Variants in CHODL observed in about 807,000 individuals in gnomAD.
CHODL encodes the protein transmembrane protein MT75.
A neutral mutation model predicts 34.5 loss-of-function variants in CHODL; 29 were observed. The ratio of observed to expected loss-of-function variants is 0.84; its 90% confidence interval spans 0.63 to 1.15. The LOEUF (loss-of-function observed/expected upper bound fraction) is 1.15. Among genes scored for constraint, CHODL ranks in the 50% most tolerant of loss-of-function variants. The pLI, the probability that CHODL is intolerant of heterozygous loss-of-function variation, is 0.00. For missense variants in CHODL, 332 were observed against 332.5 expected, an observed-to-expected ratio of 1.00 and a Z score of 0.01; for synonymous variants, 125 against 116.1, an observed-to-expected ratio of 1.08 and a Z score of -0.49.
At chr21:18,259,157 G>A (rs2074350698) in intron 3 of CHODL, among the ~76,000 whole-genome samples, 1 of 152,102 alleles carries the variant, frequency 6.6e-6, no homozygotes, top group African/African-American at 2.4e-5. Context: ...TCTCTATCCT[G>A]AAGACTATAT....
intron 2 of CHODL, among the ~76,000 whole-genome samples, chr21:18,216,617 T>C (rs1325195695): frequency 6.6e-6 from 1 of 152,182 alleles, no homozygotes; most frequent in African/African-American, 2.4e-5. Context: ...AGCGTATTAG[T>C]CAGTTTTCGC....
At chr21:18,125,450 A>G (rs1265928610) in intron 2 of CHODL, among the ~76,000 whole-genome samples, 1 of 152,042 alleles carries the variant, frequency 6.6e-6, no homozygotes, top group Non-Finnish European at 1.5e-5. Context: ...AAATCATACA[A>G]CAACTAGAAG....
At chr21:18,090,595 G>C (rs754164452) in intron 2 of CHODL, among the ~76,000 whole-genome samples, 2 of 151,320 alleles carry the variant, frequency 1.3e-5, no homozygotes, top group Non-Finnish European at 2.9e-5. Flanking sequence ...ATTCAGAAAA[G>C]AATCTAAACT....
At chr21:18,255,373 TAAAC>T (rs1484324038) in intron 1 of CHODL, among the ~76,000 whole-genome samples, 1 of 152,102 alleles carries the variant, frequency 6.6e-6, no homozygotes, top group Non-Finnish European at 1.5e-5. Flanking sequence ...TTCAAACTCA[TAAAC>T]GAATGAATGG....
rs554914230 is a variant in CHODL at position 17,977,150 on chromosome 21, T to C, written c.-144-50722T>C. 3.9e-5 allele frequency among the ~76,000 whole-genome samples: 6 copies of C among 152,234 alleles called. No individual in the cohort carries two copies. The South Asian group carries it at 1.2e-3, about 32-fold the overall frequency. ...GATTCATAACAATCTTGTCAGAAAG[T>C]TAATATTCTTCCCATTTATAGATGA... On this transcript the variant is annotated intron_variant, in intron 1 of 6. Transcript: ENST00000400127.
At chr21:17,968,201 A>G (rs906806528) in intron 1 of CHODL, among the ~76,000 whole-genome samples, 1 of 152,176 alleles carries the variant, frequency 6.6e-6, no homozygotes. Flanking sequence ...CTCCATAGTC[A>G]TGCCAACTAT....
intron 2 of CHODL, among the ~76,000 whole-genome samples, chr21:18,229,192 G>A (rs933915225): frequency 6.6e-6 from 1 of 152,164 alleles, no homozygotes; most frequent in African/African-American, 2.4e-5. Context: ...GAAATCAGGT[G>A]AAATATGACT....
In CHODL at chr21:18,148,112, G is replaced by A. The variant is rs2072918933; in HGVS notation, c.-44-108397G>A. ...CATCTATTATCACAGGATGATAATA[G>A]CAATGATTTGTGTGAACTTCAAGTA... On this transcript the variant is annotated intron_variant, in intron 2 of 6. Transcript: ENST00000400127. Among the ~76,000 whole-genome samples, 7 of 152,268 alleles carry A rather than the reference G, an allele frequency of 4.6e-5. No individual in the cohort carries two copies. In the South Asian group the frequency reaches 1.5e-3, roughly 32 times the overall value.
At chr21:18,109,267 C>G (rs1455844040) in intron 2 of CHODL, among the ~76,000 whole-genome samples, 1 of 152,126 alleles carries the variant, frequency 6.6e-6, no homozygotes, top group African/African-American at 2.4e-5. Context: ...TAGAGCATCC[C>G]TTCATCTCGC....
At chr21:18,083,314 G>A (rs2064964647) in intron 2 of CHODL, among the ~76,000 whole-genome samples, 1 of 152,248 alleles carries the variant, frequency 6.6e-6, no homozygotes, top group African/African-American at 2.4e-5. Flanking sequence ...GGAAAAGCCT[G>A]TATGTCCAGG....
intron 2 of CHODL, among the ~76,000 whole-genome samples, chr21:18,122,553 T>TC (rs1489881733): frequency 6.6e-6 from 1 of 151,976 alleles, no homozygotes; most frequent in Non-Finnish European, 1.5e-5. Flanking sequence ...GCTCAATTTT[T>TC]TTTTTTACTA....
chr21:17,972,175 A>G (rs189723421), intron 1 of CHODL, among the ~76,000 whole-genome samples: 1 of 152,338 alleles, frequency 6.6e-6, no homozygotes, highest in African/African-American at 2.4e-5. Flanking sequence ...ATTTATGACA[A>G]ACCCATATCA....
At chr21:17,927,131 T>C (rs2063233036) in intron 1 of CHODL, among the ~76,000 whole-genome samples, 1 of 115,988 alleles carries the variant, frequency 8.6e-6, no homozygotes. Flanking sequence ...TATGTATATA[T>C]ATGTATATAT....
chr21:17,930,769 C>G (rs935925524), intron 1 of CHODL, among the ~76,000 whole-genome samples: 2 of 152,184 alleles, frequency 1.3e-5, no homozygotes, highest in African/African-American at 4.8e-5. Flanking sequence ...GACACCACCA[C>G]AGAGGACTCC....
intron 2 of CHODL, among the ~76,000 whole-genome samples, chr21:18,048,021 C>T (rs1486618136): frequency 6.6e-6 from 1 of 151,898 alleles, no homozygotes; most frequent in Non-Finnish European, 1.5e-5. Flanking sequence ...TTTCCACTTA[C>T]CCATTCAGGA....
chr21:17,970,347 A>C (rs1399913341), intron 1 of CHODL, among the ~76,000 whole-genome samples: 1 of 152,134 alleles, frequency 6.6e-6, no homozygotes, highest in Admixed American at 6.5e-5. Flanking sequence ...AATTTGTTCC[A>C]AAATTGACAG....
chr21:18,081,492 C>A (rs934957817), intron 2 of CHODL, among the ~76,000 whole-genome samples: 5 of 151,850 alleles, frequency 3.3e-5, no homozygotes, highest in African/African-American at 1.2e-4. Flanking sequence ...ACCAGCCTGG[C>A]CAACATGGTA....
intron 1 of CHODL, among the ~76,000 whole-genome samples, chr21:17,983,188 C>T (rs933858933): frequency 1.3e-5 from 2 of 152,168 alleles, no homozygotes; most frequent in Non-Finnish European, 2.9e-5. Flanking sequence ...TCATAAATAT[C>T]ATTCCATGCC....
At chr21:18,154,404 A>C (rs1051593977) in intron 2 of CHODL, among the ~76,000 whole-genome samples, 1 of 152,126 alleles carries the variant, frequency 6.6e-6, no homozygotes, top group Non-Finnish European at 1.5e-5. Flanking sequence ...GTTCAAATTT[A>C]GTCCTTAGCT....
Sources: gnomAD v4.1 joint callset for allele counts (sites outside exome capture counted in the v4.1 genomes callset) on GRCh38, gnomAD v4.1.1 for gene constraint, MANE v1.5 for transcripts, NCBI Gene and HGNC (gene_info 2026-07-23, HGNC 2026-07-21) for gene names.